The following COXFA4L2 variants were observed in gnomAD, a reference collection of about 807,000 sequenced individuals.
COXFA4L2 encodes the protein cytochrome c oxidase hypoxia associated subunit FA4L2.
At chr12:57,235,397 GGA>G in the COXFA4L2 span, 2 of 740,576 alleles carry the variant, frequency 2.7e-6, no homozygotes, top group Non-Finnish European at 4.7e-6. Flanking sequence ...GAGCAAGGGA[GGA>G]GAGTAGGGGT....
At chr12:57,240,293 C>G in the COXFA4L2 span, 1 of 152,148 alleles carries the variant, frequency 6.6e-6, no homozygotes, top group African/African-American at 2.4e-5. Context: ...CCCGGCGTCC[C>G]GGCTCCTGGC....
the COXFA4L2 span, among the ~76,000 whole-genome samples, chr12:57,238,638 G>A: frequency 1.3e-5 from 2 of 152,178 alleles, no homozygotes; most frequent in Admixed American, 6.5e-5. This position sits in a 1 kb window ranked among gnomAD's most constrained non-coding sequence, Gnocchi z 6.8. Flanking sequence ...CCAGGACGCC[G>A]GAAGGGGCGC....
the COXFA4L2 span, chr12:57,236,585 G>GCCTTTACCAGACGT: frequency 6.4e-7 from 1 of 1,573,298 alleles, no homozygotes; most frequent in African/African-American, 1.3e-5. Context: ...CCCAAGCCGT[G>GCCTTTACCAGACGT]CCTTTACCAG....
At chr12:57,237,741 CCA>C in the COXFA4L2 span, 2 of 154,462 alleles carry the variant, frequency 1.3e-5, no homozygotes, top group East Asian at 1.9e-4. Context: ...ATAGAATACG[CCA>C]GTTTATTTAT....
the COXFA4L2 span, chr12:57,235,647 C>T: frequency 3.7e-6 from 6 of 1,613,732 alleles, no homozygotes; most frequent in African/African-American, 1.3e-5. Flanking sequence ...GGGGGTTGCG[C>T]TGAGTACCCC....
chr12:57,235,851 G>A, the COXFA4L2 span: 1 of 1,491,532 alleles, frequency 6.7e-7, no homozygotes, highest in Non-Finnish European at 9.0e-7. Context: ...TCCTCCCTGG[G>A]ACCCAGAACT....
chr12:57,239,956 C>T, the COXFA4L2 span: 14 of 152,290 alleles, frequency 9.2e-5, no homozygotes, highest in African/African-American at 3.1e-4. The surrounding 1 kb of genome is among the most constrained non-coding windows in gnomAD (Gnocchi z 5.5). Flanking sequence ...CAGGGCAGCC[C>T]GGAGACGCCT....
chr12:57,235,877 A>G, the COXFA4L2 span: 2 of 1,388,652 alleles, frequency 1.4e-6, no homozygotes, highest in Non-Finnish European at 1.9e-6. Context: ...ACCCAATTTG[A>G]CCCCCAAGCT....
chr12:57,236,956 G>C, the COXFA4L2 span: 1 of 1,589,000 alleles, frequency 6.3e-7, no homozygotes, highest in South Asian at 1.1e-5. Flanking sequence ...CACAAGGCAA[G>C]GCATTGGGGG....
At chr12:57,236,274 A>C in the COXFA4L2 span, 2 of 370,978 alleles carry the variant, frequency 5.4e-6, no homozygotes, top group Non-Finnish European at 9.6e-6. Context: ...CCCGGCCACA[A>C]CCCCAGTGCT....
the COXFA4L2 span, chr12:57,236,204 C>G: frequency 8.3e-5 from 27 of 325,532 alleles, no homozygotes; most frequent in East Asian, 1.3e-3. Flanking sequence ...GGACCCTCTC[C>G]GCGGCCGGGT....
At chr12:57,238,979 G>A in the COXFA4L2 span, among the ~76,000 whole-genome samples, 1 of 152,196 alleles carries the variant, frequency 6.6e-6, no homozygotes, top group African/African-American at 2.4e-5. The surrounding 1 kb of genome is among the most constrained non-coding windows in gnomAD (Gnocchi z 6.8). Context: ...CTTGGGTTCC[G>A]GATCCCATCT....
At chr12:57,235,929 T>G in the COXFA4L2 span, 1 of 767,414 alleles carries the variant, frequency 1.3e-6, no homozygotes, top group African/African-American at 1.8e-5. Context: ...CCCTGCCTCC[T>G]GCCCTGGGGG....
the COXFA4L2 span, chr12:57,235,587 C>T: frequency 1.2e-6 from 2 of 1,614,100 alleles, no homozygotes; most frequent in Non-Finnish European, 1.7e-6. Context: ...GGTCCTTCTT[C>T]AGCTTCTTAT....
chr12:57,240,694 C>T, the COXFA4L2 span: 2 of 985,426 alleles, frequency 2.0e-6, no homozygotes, highest in African/African-American at 3.5e-5. Flanking sequence ...GGCGGAGACG[C>T]GATGGCAACA....
chr12:57,237,221 AC>A, the COXFA4L2 span: 2 of 1,528,150 alleles, frequency 1.3e-6, no homozygotes, highest in South Asian at 2.5e-5. Context: ...CTTTGGACTC[AC>A]CCCACCCCAA....
the COXFA4L2 span, chr12:57,235,516 T>C: frequency 1.7e-5 from 27 of 1,599,372 alleles, no homozygotes; most frequent in Non-Finnish European, 2.3e-5. Context: ...AAGAAGTGGA[T>C]GGGCTGGCTG....
chr12:57,240,678 C>T, the COXFA4L2 span: 1 of 985,538 alleles, frequency 1.0e-6, no homozygotes, highest in Non-Finnish European at 1.2e-6. Flanking sequence ...GACACACATA[C>T]CTGCAGGCGG....
chr12:57,238,338 G>C, the COXFA4L2 span, among the ~76,000 whole-genome samples: 1 of 152,116 alleles, frequency 6.6e-6, no homozygotes, highest in South Asian at 2.1e-4. This position sits in a 1 kb window ranked among gnomAD's most constrained non-coding sequence, Gnocchi z 6.8. Flanking sequence ...GCCTCACTCC[G>C]GCGGATAATG....
Sources: gnomAD v4.1 joint callset for allele counts (sites outside exome capture counted in the v4.1 genomes callset) on GRCh38, gnomAD v4.1.1 for gene constraint, Gnocchi (gnomAD v3.1) non-coding constraint, MANE v1.5 for transcripts, NCBI Gene and HGNC (gene_info 2026-07-23, HGNC 2026-07-21) for gene names.